Variants in EXOSC5 observed in about 807,000 individuals in gnomAD.
EXOSC5 encodes the protein exosome component 5.
A neutral mutation model predicts 23.7 loss-of-function variants in EXOSC5; 15 were observed. That is an observed-to-expected ratio of 0.63 (90% CI 0.42 to 0.97). The LOEUF (loss-of-function observed/expected upper bound fraction) is 0.97, where lower values mean the gene tolerates loss of function less well. Among genes scored for constraint, EXOSC5 ranks in the 50% least tolerant of loss-of-function variants. The pLI, the probability that EXOSC5 is intolerant of heterozygous loss-of-function variation, is 0.00. For missense variants in EXOSC5, 305 were observed against 316.3 expected (o/e 0.96, Z 0.27); for synonymous variants, 143 against 140.9 (o/e 1.02, Z -0.11).
intron 2 of EXOSC5, 116 bp downstream of exon 2, chr19:41,392,751 C>A: frequency 1.3e-6 from 1 of 752,442 alleles, no homozygotes; most frequent in Non-Finnish European, 2.3e-6. Context: ...AAGACAGAAA[C>A]AGCTGAGTGG....
chr19:41,395,931 T>C (rs1478762473), intron 1 of EXOSC5, among the ~76,000 whole-genome samples: 4 of 152,186 alleles, frequency 2.6e-5, no homozygotes, highest in African/African-American at 9.7e-5. Flanking sequence ...TGCCTGAATC[T>C]TTTTCCTCGC....
At chr19:41,387,149 T>C (rs1177737695) in intron 5 of EXOSC5, among the ~76,000 whole-genome samples, 1 of 152,188 alleles carries the variant, frequency 6.6e-6, no homozygotes, top group Non-Finnish European at 1.5e-5. Flanking sequence ...CCTAGATTCA[T>C]GAGGTCCAGG....
Position 41,389,615 on chromosome 19 carries a change from C to G in EXOSC5, c.525+150G>C, listed in dbSNP as rs895748811. The G allele has an allele frequency of 4.1e-6, 5 of 1,215,850 alleles. No homozygotes were observed. The South Asian group carries it at 7.9e-5, about 19-fold the overall frequency. The allele number at this position is 1,215,850 out of a possible 1,614,324, so 75.3% of individuals were successfully genotyped here. A position where few individuals can be genotyped will look rare whatever the true frequency, so the allele number is the denominator to read the frequency against. ...GTCTGAGCTGGGTTTCCAGCACTTG[C>G]TGCTAAATGAACCATGATGATTAGA... is the stretch of plus-strand genomic sequence containing the variant. On this transcript the variant is annotated intron_variant, in intron 4 of 5. Transcript: ENST00000221233.
chr19:41,387,735 C>T, intron 4 of EXOSC5, 132 bp from the exon 5 acceptor site: 1 of 443,874 alleles, frequency 2.3e-6, no homozygotes, highest in Non-Finnish European at 3.8e-6. Context: ...AGGCAGGGCA[C>T]TGCTTGAGGC....
At chr19:41,392,256 G>T in intron 2 of EXOSC5, 1 of 439,524 alleles carries the variant, frequency 2.3e-6, no homozygotes, top group Non-Finnish European at 4.0e-6. Flanking sequence ...AGTCAGTGGG[G>T]ACTGAGGGAT....
Position 41,389,799 on chromosome 19 carries a change from G to T in EXOSC5, c.491C>A (p.Thr164Asn). The T allele has an allele frequency of 6.2e-7, 1 of 1,614,122 alleles. No individual in the cohort carries two copies. The highest frequency in any genetic ancestry group is 8.5e-7 in the Non-Finnish European group (1 of 1,180,002). ...CTTGGATGTAGGATCCAGCACGAGG[G>T]TCCCATCAGAGTCCAGGGCGCAGGC... is the stretch of plus-strand genomic sequence containing the variant. ...GVACALDSDG[T>N]LVLDPTSKQE... The change falls in exon 4 of 6, where the codon ACC becomes AAC. Residue 164 changes from threonine (T) to asparagine (N), a missense_variant. Thr to Asn is a moderately conservative substitution (Grantham distance 65, BLOSUM62 0). Coordinates refer to ENST00000221233, the MANE Select transcript of EXOSC5 (RefSeq NM_020158.4).
At position 41,387,528 on chromosome 19, in the gene EXOSC5, A is replaced by G; in HGVS notation, c.601T>C (p.Tyr201His). The change falls in exon 5 of 6, where the codon TAC (tyrosine) becomes CAC (histidine). Residue 201 changes from tyrosine to histidine, a missense_variant. Physicochemically the swap from Tyr to His is moderately conservative, Grantham distance 83. Transcript: ENST00000221233. ...KLLMSSTKGL[Y>H]SDTELQQCLA... ...CATGCTGGTACCTCAGTGTCTGAGT[A>G]GAGCCCCTTGGTGCTGGACATCAGC... The G allele has an allele frequency of 6.2e-7, 1 of 1,602,910 alleles. No homozygotes were observed. The highest frequency in any genetic ancestry group is 8.5e-7 in the Non-Finnish European group (1 of 1,175,434).
chr19:41,393,063 G>C, intron 1 of EXOSC5, 83 bp from the exon 2 acceptor site: 7 of 1,068,260 alleles, frequency 6.6e-6, no homozygotes, highest in Non-Finnish European at 1.0e-5. Context: ...GACGGCCAGG[G>C]CTCCCCACGT....
rs1486371484 is a variant in EXOSC5, at chr19:41,397,248, G to A, written c.81C>T (p.Ser27=). 3 of 1,614,214 alleles carry A rather than the reference G, an allele frequency of 1.9e-6. No homozygotes were observed. The South Asian group carries it at 3.3e-5, about 18-fold the overall frequency. Residue 27 remains serine (S), a synonymous_variant, in exon 1 of 6, where the codon AGC becomes AGT. Coordinates refer to ENST00000221233, the MANE Select transcript of EXOSC5 (RefSeq NM_020158.4). ...TGSSPRGPGC[S]LRHFACEQNL... ...TCTGTTCGCAGGCAAAGTGCCGGAG[G>A]CTGCAGCCAGGACCCCGAGGGCTGG...
intron 3 of EXOSC5, chr19:41,391,428 C>T (rs1199672633): frequency 1.7e-5 from 3 of 178,254 alleles, no homozygotes; most frequent in Non-Finnish European, 3.5e-5. Flanking sequence ...TGGAGTCAGA[C>T]TGGCCTGGGC....
chr19:41,392,812 G>C, intron 2 of EXOSC5, 55 bp downstream of exon 2: 2 of 1,537,296 alleles, frequency 1.3e-6, no homozygotes, highest in Non-Finnish European at 1.8e-6. Flanking sequence ...GAGGAGCTGG[G>C]GGGGTGATTT....
chr19:41,393,161 G>A (rs186666479), intron 1 of EXOSC5, among the ~76,000 whole-genome samples, 181 bp from the exon 2 acceptor site: 9 of 152,206 alleles, frequency 5.9e-5, no homozygotes, highest in Non-Finnish European at 1.3e-4. Flanking sequence ...GTCCCTCCCC[G>A]CTAGCGTCTT....
chr19:41,387,372 A>C (rs185696360), intron 5 of EXOSC5, 142 bp downstream of exon 5: 53 of 673,664 alleles, frequency 7.9e-5, no homozygotes, highest in African/African-American at 4.8e-4. Flanking sequence ...CTGGGTCCAC[A>C]AAGTTTGAAA....
In EXOSC5 at chr19:41,391,872, A is replaced by G. The variant is rs762509910; in HGVS notation, c.353T>C (p.Val118Ala). The change falls in exon 3 of 6, where the codon GTG (valine) becomes GCG (alanine). Residue 118 changes from valine (V) to alanine (A), a missense_variant. Physicochemically the swap from Val to Ala is moderately conservative, Grantham distance 64. Transcript: ENST00000221233. ...GGCATCGCTGACAACCTGCAGCACCACGGTGATGGAGGTGCGGGGGTGCAA... is the reference window on the plus strand; with the variant it reads ...GGCATCGCTGACAACCTGCAGCACCGCGGTGATGGAGGTGCGGGGGTGCAA... Reference protein sequence around the residue: ...GTLHPRTSITVVLQVVSDAGS... With the variant: ...GTLHPRTSITAVLQVVSDAGS... The G allele has an allele frequency of 6.5e-7, 1 of 1,547,654 alleles. No homozygotes were observed. Among genetic ancestry groups the G allele is most frequent in the Admixed American group, 2.2e-5 (1 of 44,938 alleles).
At chr19:41,387,387 C>G in intron 5 of EXOSC5, 127 bp downstream of exon 5, 1 of 774,322 alleles carries the variant, frequency 1.3e-6, no homozygotes, top group African/African-American at 1.8e-5. Context: ...TTGAAAACTC[C>G]CTTTTTACAA....
At chr19:41,388,141 A>AACT (rs2038998235) in intron 4 of EXOSC5, among the ~76,000 whole-genome samples, 1 of 152,174 alleles carries the variant, frequency 6.6e-6, no homozygotes, top group African/African-American at 2.4e-5. Flanking sequence ...TCCTTTGTAG[A>AACT]ACTGTACTCC....
rs185941049 is a variant in EXOSC5, at chr19:41,391,383, A to C, written c.384+458T>G. On this transcript the variant is annotated intron_variant, in intron 3 of 5. Coordinates refer to ENST00000221233, the MANE Select transcript of EXOSC5 (RefSeq NM_020158.4). The stretch of plus-strand genomic sequence containing the variant: ...GCCTGTCTCAAAAACAAACAAAAAA[A>C]CCCAAAAAACAAAAGAAGTGATTGG... Among the ~76,000 whole-genome samples the C allele has an allele frequency of 2.4e-3, 368 of 152,274 alleles. 1 individual carries two copies. Among genetic ancestry groups the C allele is most frequent in the Middle Eastern group, 6.8e-3 (2 of 294 alleles).
At chr19:41,392,808 C>G (rs2039033489) in intron 2 of EXOSC5, 59 bp downstream of exon 2, 1 of 1,519,226 alleles carries the variant, frequency 6.6e-7, no homozygotes, top group African/African-American at 1.4e-5. Flanking sequence ...TAGGGAGGAG[C>G]TGGGGGGGTG....
intron 4 of EXOSC5, 72 bp downstream of exon 4, chr19:41,389,693 A>G: frequency 6.4e-7 from 1 of 1,558,772 alleles, no homozygotes; most frequent in Non-Finnish European, 8.7e-7. Context: ...TCTGTAGAGA[A>G]GCGAGGCCTG....
Sources: gnomAD v4.1 joint callset for allele counts (sites outside exome capture counted in the v4.1 genomes callset) on GRCh38, gnomAD v4.1.1 for gene constraint, MANE v1.5 for transcripts, NCBI Gene and HGNC (gene_info 2026-07-23, HGNC 2026-07-21) for gene names.